Variants in AK3 observed in about 807,000 individuals in gnomAD.
AK3 encodes adenylate kinase 3.
In AK3, 27 loss-of-function variants were observed where a neutral mutation model predicts 23.7. The observed-to-expected ratio is 1.14, with a 90% CI of 0.84 to 1.57. The LOEUF is 1.57. Among genes scored for constraint, AK3 ranks in the 40% most tolerant of loss-of-function variants. AK3 has a pLI of 0.00. For synonymous variants in AK3, 159 were observed against 116.0 expected (o/e 1.37, Z -2.38); for missense variants, 406 against 285.6 (o/e 1.42, Z -3.04).
intron 1 of AK3, 72 bp downstream of exon 1, chr9:4,740,865 G>C: frequency 3.6e-6 from 5 of 1,390,170 alleles, no homozygotes; most frequent in Non-Finnish European, 3.8e-6. Flanking sequence ...CGCGTGCCCA[G>C]CTTCGGCCCC....
chr9:4,727,246 T>C (rs936406397), intron 1 of AK3, among the ~76,000 whole-genome samples: 2 of 152,200 alleles, frequency 1.3e-5, no homozygotes, highest in African/African-American at 4.8e-5. Flanking sequence ...AGCCTGTCCT[T>C]TGAAGCTTTG....
At chr9:4,727,589 G>T (rs1316842650) in intron 1 of AK3, among the ~76,000 whole-genome samples, 3 of 152,162 alleles carry the variant, frequency 2.0e-5, no homozygotes, top group African/African-American at 7.2e-5. Flanking sequence ...GGATGATGTG[G>T]CTGGTCTGAT....
intron 1 of AK3, among the ~76,000 whole-genome samples, chr9:4,723,172 T>A (rs896752443): frequency 1.3e-5 from 2 of 152,238 alleles, no homozygotes; most frequent in Non-Finnish European, 2.9e-5. Flanking sequence ...AAAAATATTG[T>A]AAAGGTATAG....
chr9:4,719,333 A>G, intron 2 of AK3, 26 bp from the exon 3 acceptor site: 1 of 1,292,428 alleles, frequency 7.7e-7, no homozygotes. Context: ...AAGAAAAAGA[A>G]GAAGAAAAAA....
intron 1 of AK3, among the ~76,000 whole-genome samples, chr9:4,725,021 C>T (rs3040372): frequency 0.08 from 5,360 of 67,412 alleles, 331 homozygotes; most frequent in African/African-American, 0.15. Context: ...CTACTAAACT[C>T]TTTTTTTTTT....
At chr9:4,720,929 C>G (rs561016739) in intron 2 of AK3, among the ~76,000 whole-genome samples, 2 of 152,204 alleles carry the variant, frequency 1.3e-5, no homozygotes, top group Admixed American at 6.5e-5. Flanking sequence ...CTTGGTTTAC[C>G]TTGTTCCTGC....
In AK3 at chr9:4,715,391, C is replaced by CTTTT. The variant is rs35400602; in HGVS notation, c.564-2299_564-2296dup. On this transcript the variant is annotated intron_variant, in intron 4 of 4. Coordinates refer to ENST00000381809, the MANE Select transcript of AK3 (RefSeq NM_016282.4). ...CAGCTTTCCTTAACTTCCCTTACTA[C>CTTTT]TTTTTTTTTTTTTTTTTTTAAGACA... Among the ~76,000 whole-genome samples, 77 of 127,112 alleles carry CTTTT rather than the reference C, an allele frequency of 6.1e-4. No individual in the cohort carries two copies. The East Asian group carries it at 6.2e-3, about 10-fold the overall frequency. The allele number at this position is 127,112 out of a possible 152,430, so 83.4% of individuals were successfully genotyped here.
At chr9:4,728,906 T>C (rs1316714825) in intron 1 of AK3, among the ~76,000 whole-genome samples, 1 of 146,978 alleles carries the variant, frequency 6.8e-6, no homozygotes, top group Non-Finnish European at 1.5e-5. Flanking sequence ...CACATACTTA[T>C]ATATATACAT....
intron 1 of AK3, among the ~76,000 whole-genome samples, chr9:4,730,732 T>G (rs1842133779): frequency 6.6e-6 from 1 of 152,238 alleles, no homozygotes; most frequent in Admixed American, 6.5e-5. Flanking sequence ...TATGATTTAA[T>G]TAGAACAAGA....
At chr9:4,740,456 A>C (rs79965806) in intron 1 of AK3, among the ~76,000 whole-genome samples, 13,020 of 152,238 alleles carry the variant, frequency 0.086, 760 homozygotes, top group South Asian at 0.3. Flanking sequence ...TATGGGGGAA[A>C]GGTCAGAACT....
At position 4,719,229 on chromosome 9, in the gene AK3, G is replaced by T. The variant is rs1299631180; in HGVS notation, c.350C>A (p.Pro117His). The stretch of plus-strand genomic sequence containing the variant: ...AAGGCGTTGTTTAATGACCTCAAAG[G>T]GCACATTCAGGTTAATCACTGTGTC... Reference protein sequence around the residue: ...QIDTVINLNVPFEVIKQRLTA... With the variant: ...QIDTVINLNVHFEVIKQRLTA... The change falls in exon 3 of 5, where the codon CCC (proline) becomes CAC (histidine). Residue 117 changes from proline (P) to histidine (H), a missense_variant. Coordinates refer to ENST00000381809, the MANE Select transcript of AK3 (RefSeq NM_016282.4). The T allele has an allele frequency of 1.2e-6, 2 of 1,611,916 alleles. No homozygotes were observed. The highest frequency in any genetic ancestry group is 3.3e-5 in the Admixed American group (2 of 59,952).
chr9:4,738,240 G>A (rs393097), intron 1 of AK3, among the ~76,000 whole-genome samples: 100,384 of 152,074 alleles, frequency 0.66, 33,562 homozygotes, highest in East Asian at 0.79. Context: ...ATCTCGGCTC[G>A]CTGCAACCTC....
Position 4,711,270 on chromosome 9 carries a change from A to T in AK3, c.*1706T>A, listed in dbSNP as rs1190248074. 1 of 152,686 alleles carries T rather than the reference A, an allele frequency of 6.5e-6. No individual in the cohort carries two copies. Among genetic ancestry groups the T allele is most frequent in the East Asian group, 1.9e-4 (1 of 5,206 alleles). The allele number at this position is 152,686 out of a possible 1,614,324, so 9.5% of individuals were successfully genotyped here. A position where few individuals can be genotyped will look rare whatever the true frequency, so the allele number is the denominator to read the frequency against. ...TGTGAAGGACCAAGAACAAAGTAAT[A>T]GCCACAGTTATGAAATTTCATTTTA... On this transcript the variant is annotated 3_prime_UTR_variant, in exon 5 of 5. Coordinates refer to ENST00000381809, the MANE Select transcript of AK3 (RefSeq NM_016282.4).
intron 1 of AK3, among the ~76,000 whole-genome samples, chr9:4,736,751 C>A (rs1842303456): frequency 6.6e-6 from 1 of 151,720 alleles, no homozygotes. Context: ...TATCACAGCC[C>A]ACTGCAGCCT....
intron 1 of AK3, among the ~76,000 whole-genome samples, chr9:4,734,452 C>A (rs1445809666): frequency 6.6e-6 from 1 of 152,202 alleles, no homozygotes. Context: ...GTCTCCACTA[C>A]CTAGCACATA....
At chr9:4,730,015 C>G (rs1035731141) in intron 1 of AK3, among the ~76,000 whole-genome samples, 1 of 152,068 alleles carries the variant, frequency 6.6e-6, no homozygotes, top group African/African-American at 2.4e-5. Flanking sequence ...AAATGAAGTA[C>G]TGATACATGT....
chr9:4,713,506 G>A (rs12683352), intron 4 of AK3, among the ~76,000 whole-genome samples: 36,798 of 151,896 alleles, frequency 0.24, 4,529 homozygotes, highest in Middle Eastern at 0.3. Context: ...TTCCAAACAG[G>A]ACCTATAAGA....
intron 4 of AK3, among the ~76,000 whole-genome samples, chr9:4,718,207 G>C (rs894036348): frequency 6.6e-6 from 1 of 152,224 alleles, no homozygotes; most frequent in East Asian, 1.9e-4. Context: ...GCAAAACCAA[G>C]AGAACGGCTA....
At chr9:4,722,339 T>G (rs1349297011) in intron 2 of AK3, among the ~76,000 whole-genome samples, 167 bp downstream of exon 2, 1 of 152,212 alleles carries the variant, frequency 6.6e-6, no homozygotes, top group South Asian at 2.1e-4. Context: ...TCTTTCCATT[T>G]GGATATAGAA....
Sources: allele counts gnomAD v4.1 joint callset (sites outside exome capture counted in the v4.1 genomes callset), GRCh38; gene constraint gnomAD v4.1.1; transcripts MANE v1.5; gene names NCBI Gene and HGNC (gene_info 2026-07-23, HGNC 2026-07-21).